The following SNX30 variants were observed in gnomAD, a reference collection of about 807,000 sequenced individuals.
The protein encoded by SNX30 is sorting nexin-30.
SNX30 carries 24 observed loss-of-function variants against 46.4 expected under a neutral mutation model. That is an observed-to-expected ratio of 0.52 (90% CI 0.37 to 0.73). The LOEUF (loss-of-function observed/expected upper bound fraction) is 0.73, where lower values mean the gene tolerates loss of function less well. Ranked by LOEUF, SNX30 falls within the 30% of genes least tolerant of loss-of-function variation. The probability of loss-of-function intolerance (pLI) is 0.00; values close to 1 mark genes in which losing one functional copy is unlikely to be tolerated. For synonymous variants in SNX30, 189 were observed against 211.5 expected, an observed-to-expected ratio of 0.89 and a Z score of 0.92; for missense variants, 533 against 555.7, an observed-to-expected ratio of 0.96 and a Z score of 0.41.
At chr9:112,750,132 C>T (rs1212281222), upstream of SNX30, among the ~76,000 whole-genome samples, 2 of 152,186 alleles carry the variant, frequency 1.3e-5, no homozygotes, top group African/African-American at 2.4e-5. Flanking sequence ...AGTCGCATAT[C>T]ATTTGAGACT....
At chr9:112,763,154 T>G (rs1470391451) in intron 1 of SNX30, among the ~76,000 whole-genome samples, 1 of 150,926 alleles carries the variant, frequency 6.6e-6, no homozygotes, top group Non-Finnish European at 1.5e-5. Context: ...CAGCATCTGC[T>G]ACAGTTTATA....
chr9:112,859,381 A>C (rs1368717190), intron 7 of SNX30, among the ~76,000 whole-genome samples: 19 of 152,122 alleles, frequency 1.2e-4, no homozygotes, highest in Admixed American at 1.2e-3. Flanking sequence ...TGTTGCTTTC[A>C]TCTTTGGGCT....
At chr9:112,881,244 A>G (rs1200237589) in intron 5 of SNX30, among the ~76,000 whole-genome samples, 2 of 152,224 alleles carry the variant, frequency 1.3e-5, no homozygotes, top group Non-Finnish European at 1.5e-5. Flanking sequence ...TCTAAGCTAC[A>G]GCGCAGCACT....
At chr9:112,755,742 A>G (rs541313921) in intron 1 of SNX30, among the ~76,000 whole-genome samples, 1 of 151,984 alleles carries the variant, frequency 6.6e-6, no homozygotes, top group South Asian at 2.1e-4. Flanking sequence ...TGGCTGGAGC[A>G]AGGTATTCCA....
intron 1 of SNX30, among the ~76,000 whole-genome samples, chr9:112,794,290 T>G (rs1840073171): frequency 6.6e-6 from 1 of 152,050 alleles, no homozygotes; most frequent in African/African-American, 2.4e-5. Flanking sequence ...GTAGCGGGGA[T>G]TACAGACGTG....
At chr9:112,807,052 C>CTTTTTTTT (rs10554051) in intron 2 of SNX30, among the ~76,000 whole-genome samples, 6 of 63,006 alleles carry the variant, frequency 9.5e-5, no homozygotes, top group African/African-American at 1.4e-4. Context: ...TCTTTTCTAT[C>CTTTTTTTT]TTTTTTTTTT....
chr9:112,786,117 C>CT (rs140987500), intron 1 of SNX30, among the ~76,000 whole-genome samples: 7,007 of 130,092 alleles, frequency 0.054, 406 homozygotes, highest in African/African-American at 0.14. Context: ...AGGAGCTGTC[C>CT]TTTTTTTTTT....
At chr9:112,758,481 C>T (rs1283700359) in intron 1 of SNX30, among the ~76,000 whole-genome samples, 1 of 152,176 alleles carries the variant, frequency 6.6e-6, no homozygotes. Flanking sequence ...AGACGCGCAT[C>T]ACCATGCCTG....
At chr9:112,774,844 C>CTTTT (rs1279442088) in intron 1 of SNX30, among the ~76,000 whole-genome samples, 3 of 128,800 alleles carry the variant, frequency 2.3e-5, no homozygotes, top group Non-Finnish European at 4.9e-5. Context: ...TATTTATATG[C>CTTTT]TTTTTTTTTT....
At position 112,871,964 on chromosome 9, in the gene SNX30, C is replaced by T. The variant is rs1336630140; in HGVS notation, c.*3121C>T. On this transcript the variant is annotated 3_prime_UTR_variant, in exon 9 of 9. Transcript: ENST00000374232. ...AAAGTTTTATAATGAATCCTGTTCA[C>T]CTTAAAGTGTGATTATGGAGATGAT... 6.6e-6 allele frequency: 1 copy of T among 152,190 alleles called. No individual in the cohort carries two copies. The highest frequency in any genetic ancestry group is 1.5e-5 in the Non-Finnish European group (1 of 68,034). 9.4% of individuals were successfully genotyped at this position (152,190 alleles called of 1,614,324 possible).
At chr9:112,791,348 A>G (rs1328710484) in intron 1 of SNX30, among the ~76,000 whole-genome samples, 1 of 148,800 alleles carries the variant, frequency 6.7e-6, no homozygotes, top group Non-Finnish European at 1.5e-5. Context: ...TAATGTCTTC[A>G]AGATTAATTG....
At chr9:112,785,809 T>C (rs916451365) in intron 1 of SNX30, among the ~76,000 whole-genome samples, 1 of 152,130 alleles carries the variant, frequency 6.6e-6, no homozygotes, top group Non-Finnish European at 1.5e-5. Flanking sequence ...CTAGGATTAC[T>C]TGCCAGCCTA....
intron 6 of SNX30, among the ~76,000 whole-genome samples, chr9:112,850,201 A>G (rs892937610): frequency 1.3e-5 from 2 of 151,802 alleles, no homozygotes. Flanking sequence ...TTGAGCCTTC[A>G]CTCTGGTGGG....
intron 1 of SNX30, among the ~76,000 whole-genome samples, chr9:112,797,605 C>T (rs1301873320): frequency 1.3e-5 from 2 of 151,930 alleles, no homozygotes; most frequent in African/African-American, 4.8e-5. Flanking sequence ...CTAAATATCT[C>T]AAAATCTTTA....
At chr9:112,750,429 C>T (rs1295133714), upstream of SNX30, 1 of 152,306 alleles carries the variant, frequency 6.6e-6, no homozygotes, top group Non-Finnish European at 1.5e-5. Flanking sequence ...AAGCCCCCAG[C>T]CCCAAGCGTG....
At chr9:112,782,709 T>A (rs1839865477) in intron 1 of SNX30, among the ~76,000 whole-genome samples, 1 of 152,248 alleles carries the variant, frequency 6.6e-6, no homozygotes, top group African/African-American at 2.4e-5. Flanking sequence ...TCCATCAGTT[T>A]AGGGATTGAC....
At chr9:112,810,611 T>C (rs1564276467) in intron 2 of SNX30, among the ~76,000 whole-genome samples, 1 of 151,980 alleles carries the variant, frequency 6.6e-6, no homozygotes, top group South Asian at 2.1e-4. Flanking sequence ...GATGTGTGGG[T>C]TTCTCCCTGG....
At chr9:112,845,393 C>T (rs1490320324) in intron 6 of SNX30, among the ~76,000 whole-genome samples, 1 of 152,194 alleles carries the variant, frequency 6.6e-6, no homozygotes, top group African/African-American at 2.4e-5. Context: ...GCACCACGCC[C>T]CTCTGGGACT....
intron 8 of SNX30, among the ~76,000 whole-genome samples, chr9:112,865,661 A>ATATATATATGTGTG: frequency 2.7e-4 from 29 of 105,680 alleles, no homozygotes; most frequent in African/African-American, 1.1e-3. Flanking sequence ...ATATATATAT[A>ATATATATATGTGTG]TGTATGTATG....
Sources: allele counts gnomAD v4.1 joint callset (sites outside exome capture counted in the v4.1 genomes callset), GRCh38; gene constraint gnomAD v4.1.1; transcripts MANE v1.5; gene names NCBI Gene and HGNC (gene_info 2026-07-23, HGNC 2026-07-21).